The following ORC4 variants were observed in gnomAD, a reference collection of about 807,000 sequenced individuals.
The protein encoded by ORC4 is origin recognition complex, subunit 4 homolog.
In ORC4, 55 loss-of-function variants were observed where a neutral mutation model predicts 63.9. That is an observed-to-expected ratio of 0.86 (90% CI 0.69 to 1.08). The LOEUF (loss-of-function observed/expected upper bound fraction) is 1.08. Ranked by LOEUF, ORC4 falls within the 50% of genes least tolerant of loss-of-function variation. The probability of loss-of-function intolerance (pLI) is 0.00; values close to 1 mark genes in which losing one functional copy is unlikely to be tolerated. For missense variants in ORC4, 511 were observed against 504.4 expected (o/e 1.01, Z -0.13); for synonymous variants, 150 against 168.5 (o/e 0.89, Z 0.85).
Position 147,938,283 on chromosome 2 carries a change from T to G in ORC4, c.1054+15A>C. On this transcript the variant is annotated intron_variant, in intron 12 of 13. Coordinates refer to ENST00000392857, the MANE Select transcript of ORC4 (RefSeq NM_181741.4). ...GGGGAAGAGTCAGAAAAAAGCTACT[T>G]AAGTCTCATCTCACCATTATAGACC... The G allele has an allele frequency of 6.3e-7, 1 of 1,592,428 alleles. No individual in the cohort carries two copies. The highest frequency in any genetic ancestry group is 8.6e-7 in the Non-Finnish European group (1 of 1,160,688).
intron 1 of ORC4, among the ~76,000 whole-genome samples, chr2:148,008,747 C>A (rs1049891439): frequency 6.6e-6 from 1 of 152,170 alleles, no homozygotes; most frequent in Non-Finnish European, 1.5e-5. Context: ...AATAGGGGAA[C>A]GACAGAGCAG....
intron 1 of ORC4, among the ~76,000 whole-genome samples, chr2:147,978,877 G>T (rs1374422299): frequency 6.6e-6 from 1 of 152,126 alleles, no homozygotes; most frequent in Non-Finnish European, 1.5e-5. Flanking sequence ...TGACTCAACA[G>T]ATACAGAAAA....
At chr2:147,956,680 G>A (rs1174348724) in intron 6 of ORC4, among the ~76,000 whole-genome samples, 1 of 151,978 alleles carries the variant, frequency 6.6e-6, no homozygotes, top group Non-Finnish European at 1.5e-5. Context: ...AAGAATTTAT[G>A]TATATCGTAT....
chr2:147,943,661 T>C, intron 9 of ORC4, 139 bp from the exon 10 acceptor site: 1 of 636,594 alleles, frequency 1.6e-6, no homozygotes, highest in Non-Finnish European at 2.8e-6. Flanking sequence ...ATGTTGGTCT[T>C]ATTTGTAGAA....
intron 1 of ORC4, among the ~76,000 whole-genome samples, chr2:148,015,858 C>T (rs1025856720): frequency 1.3e-5 from 2 of 152,122 alleles, no homozygotes; most frequent in African/African-American, 4.8e-5. Flanking sequence ...AATGAACGTA[C>T]AGTGCAGTGG....
intron 1 of ORC4, among the ~76,000 whole-genome samples, chr2:147,989,076 TAG>T (rs1297847749): frequency 3.3e-5 from 5 of 152,192 alleles, no homozygotes; most frequent in Non-Finnish European, 7.3e-5. Flanking sequence ...ATAACATACA[TAG>T]AGAGTTCATT....
At chr2:148,012,846 C>T (rs1282305831) in intron 1 of ORC4, among the ~76,000 whole-genome samples, 1 of 152,158 alleles carries the variant, frequency 6.6e-6, no homozygotes, top group Non-Finnish European at 1.5e-5. Context: ...AAATGTTCCA[C>T]ATTATTAATA....
At chr2:147,947,047 C>T (rs1227305) in intron 9 of ORC4, among the ~76,000 whole-genome samples, 18,400 of 151,920 alleles carry the variant, frequency 0.12, 1,950 homozygotes, top group African/African-American at 0.29. Flanking sequence ...ATTTAAAGAA[C>T]AAACTAAATG....
At chr2:147,960,154 G>C in intron 4 of ORC4, 5 of 554,022 alleles carry the variant, frequency 9.0e-6, no homozygotes, top group Non-Finnish European at 1.1e-5. Context: ...TTTGCTAAAA[G>C]GAATGGGGAT....
chr2:147,953,306 C>T (rs1393229482), intron 7 of ORC4, among the ~76,000 whole-genome samples: 2 of 151,894 alleles, frequency 1.3e-5, no homozygotes, highest in African/African-American at 2.4e-5. Context: ...ACTCCATCTC[C>T]AAAAAATAAA....
chr2:147,997,331 T>C (rs905547190), intron 1 of ORC4, among the ~76,000 whole-genome samples: 1 of 152,188 alleles, frequency 6.6e-6, no homozygotes, highest in Non-Finnish European at 1.5e-5. Context: ...TGGATCATTA[T>C]ATATTTATCA....
intron 1 of ORC4, among the ~76,000 whole-genome samples, chr2:148,006,144 A>T (rs1449722761): frequency 6.6e-6 from 1 of 152,202 alleles, no homozygotes; most frequent in Admixed American, 6.5e-5. Flanking sequence ...CAGGCAGCAC[A>T]GCACTGAGAT....
chr2:147,960,315 A>G (rs1228074333), intron 4 of ORC4: 14 of 982,398 alleles, frequency 1.4e-5, no homozygotes, highest in Non-Finnish European at 1.7e-5. Context: ...GTCTGAAATG[A>G]TAAATATATT....
Position 147,996,347 on chromosome 2 carries a change from A to G in ORC4, c.-17-20372T>C, listed in dbSNP as rs549338764. 3.8e-4 allele frequency among the ~76,000 whole-genome samples: 58 copies of G among 152,314 alleles called. 1 individual carries two copies. The East Asian group carries it at 6.8e-3, about 18-fold the overall frequency. On this transcript the variant is annotated intron_variant, in intron 1 of 13. Coordinates refer to ENST00000392857, the MANE Select transcript of ORC4 (RefSeq NM_181741.4). ...AAACAAAATTCCAAAAATGTAACAC[A>G]AAAGAAAATCTAGGTGACCTTGGTT...
chr2:148,019,314 G>T (rs898921329), intron 1 of ORC4, among the ~76,000 whole-genome samples: 3 of 152,234 alleles, frequency 2.0e-5, no homozygotes, highest in Non-Finnish European at 4.4e-5. Flanking sequence ...CACCGGCCGG[G>T]CGCGGTGGCT....
At chr2:147,952,761 T>C (rs1008175322) in intron 7 of ORC4, among the ~76,000 whole-genome samples, 1 of 152,140 alleles carries the variant, frequency 6.6e-6, no homozygotes, top group Admixed American at 6.5e-5. Flanking sequence ...GCGTGGTGGC[T>C]CATGCCTGTA....
intron 7 of ORC4, among the ~76,000 whole-genome samples, chr2:147,953,961 A>C (rs895492755): frequency 1.1e-4 from 17 of 152,102 alleles, no homozygotes; most frequent in African/African-American, 4.1e-4. Context: ...AAAATATTGC[A>C]TTATACATCA....
At position 147,945,636 on chromosome 2, in the gene ORC4, C is replaced by A. The variant is rs529253947; in HGVS notation, c.763-2114G>T. On this transcript the variant is annotated intron_variant, in intron 9 of 13. Coordinates refer to ENST00000392857, the MANE Select transcript of ORC4 (RefSeq NM_181741.4). ...TAGAGTCTACTTTGCTTATTTGACT[C>A]ATTTGAAGTAGGGCTAAAACAAACC... Among the ~76,000 whole-genome samples the A allele has an allele frequency of 8.3e-4, 126 of 152,198 alleles. 1 individual carries two copies. The highest frequency in any genetic ancestry group is 2.5e-3 in the African/African-American group (103 of 41,554).
At chr2:147,982,782 C>T (rs1354611261) in intron 1 of ORC4, among the ~76,000 whole-genome samples, 1 of 152,170 alleles carries the variant, frequency 6.6e-6, no homozygotes, top group Non-Finnish European at 1.5e-5. Flanking sequence ...ATTTCAAAGA[C>T]AATTCTAATA....
Sources: gnomAD v4.1 joint callset for allele counts (sites outside exome capture counted in the v4.1 genomes callset) on GRCh38, gnomAD v4.1.1 for gene constraint, MANE v1.5 for transcripts, NCBI Gene and HGNC (gene_info 2026-07-23, HGNC 2026-07-21) for gene names.